SUPT16H: variants seen among roughly 807,000 people sequenced by gnomAD.
SUPT16H encodes SPT16 homolog, facilitates chromatin remodeling subunit.
SUPT16H carries 24 observed loss-of-function variants against 136.2 expected under a neutral mutation model. That is an observed-to-expected ratio of 0.18 (90% CI 0.13 to 0.25). SUPT16H has a LOEUF of 0.25. SUPT16H is among the 10% of genes least tolerant of loss of function. SUPT16H has a pLI of 1.00. For synonymous variants in SUPT16H, 415 were observed against 428.2 expected (o/e 0.97, Z 0.38); for missense variants, 623 against 1,270.2 (o/e 0.49, Z 7.74).
intron 8 of SUPT16H, among the ~76,000 whole-genome samples, chr14:21,365,843 C>G (rs1477199118): frequency 6.6e-6 from 1 of 152,162 alleles, no homozygotes; most frequent in African/African-American, 2.4e-5. Flanking sequence ...TGGCTCACAT[C>G]TGTAATCCCA....
chr14:21,352,723 T>A lies in SUPT16H; in HGVS notation c.3094A>T (p.Asn1032Tyr). The A allele has an allele frequency of 1.2e-6, 2 of 1,614,120 alleles. No individual in the cohort carries two copies. The highest frequency in any genetic ancestry group is 1.7e-6 in the Non-Finnish European group (2 of 1,180,014). The change falls in exon 26 of 26, where the codon AAC (asparagine) becomes TAC (tyrosine). Residue 1032 changes from asparagine (N) to tyrosine (Y), a missense_variant. Physicochemically the swap from Asn to Tyr is moderately radical, Grantham distance 143 (BLOSUM62 -2). This residue lies in a region of SUPT16H where 88 missense variants were observed against 135.5 expected (regional missense o/e 0.65). Transcript: ENST00000216297. ...ASVHSSGRGS[N>Y]RGSRHSSAPP... ...GCAGAGCTGTGTCTGGAACCACGGTTAGAGCCACGGCCCGAACTGTGCACA... is the reference window on the plus strand; with the variant it reads ...GCAGAGCTGTGTCTGGAACCACGGTAAGAGCCACGGCCCGAACTGTGCACA...
At chr14:21,354,795 T>G (rs1325533493) in intron 22 of SUPT16H, 4 of 293,604 alleles carry the variant, frequency 1.4e-5, no homozygotes, top group South Asian at 1.0e-4. Context: ...TTTTGCCATG[T>G]TGGTCAGGCT....
At chr14:21,373,708 A>C (rs1886837091) in intron 1 of SUPT16H, among the ~76,000 whole-genome samples, 1 of 152,160 alleles carries the variant, frequency 6.6e-6, no homozygotes, top group African/African-American at 2.4e-5. Context: ...TAATTCAAAG[A>C]AATATTTTAT....
chr14:21,359,440 T>C (rs754993246), intron 19 of SUPT16H, 44 bp downstream of exon 19: 2 of 1,600,746 alleles, frequency 1.2e-6, no homozygotes, highest in African/African-American at 1.3e-5. Flanking sequence ...TTTGGCCTCA[T>C]CCTCCCTCAC....
chr14:21,365,929 CCT>C (rs1044925311), intron 8 of SUPT16H, among the ~76,000 whole-genome samples: 7 of 152,072 alleles, frequency 4.6e-5, no homozygotes, highest in East Asian at 3.9e-4. Flanking sequence ...ATAGCGAGAC[CCT>C]GTTTCTACAA....
At chr14:21,362,351 A>G (rs1457067329) in intron 14 of SUPT16H, 27 bp from the exon 15 acceptor site, 2 of 1,596,770 alleles carry the variant, frequency 1.3e-6, no homozygotes, top group Non-Finnish European at 1.7e-6. Flanking sequence ...CATAAAAAGT[A>G]AACAGATTTC....
chr14:21,377,646 C>T (rs1886932989), intron 1 of SUPT16H, among the ~76,000 whole-genome samples: 1 of 148,552 alleles, frequency 6.7e-6, no homozygotes, highest in Non-Finnish European at 1.5e-5. Flanking sequence ...TTTTTTGAGA[C>T]ACAGTCTCAC....
intron 3 of SUPT16H, 145 bp from the exon 4 acceptor site, chr14:21,370,633 A>T: frequency 1.1e-6 from 1 of 887,718 alleles, no homozygotes; most frequent in Non-Finnish European, 1.7e-6. Flanking sequence ...TTTTAAAGAG[A>T]CAGGGTCTTG....
intron 1 of SUPT16H, among the ~76,000 whole-genome samples, chr14:21,382,216 T>C (rs1887041737): frequency 6.6e-6 from 1 of 152,244 alleles, no homozygotes; most frequent in African/African-American, 2.4e-5. Context: ...TTTTGTTAAC[T>C]GGTACATTTT....
chr14:21,366,785 A>C lies in SUPT16H; in HGVS notation c.956-256T>G, dbSNP rs1025493365. On this transcript the variant is annotated intron_variant, in intron 7 of 25. Transcript: ENST00000216297. Reference sequence around the variant, plus strand: ...CACCTCAGCCTCCCAAGTAACTGGGACTATAGGCACACACCACTATGCCCA... The same window carrying C: ...CACCTCAGCCTCCCAAGTAACTGGGCCTATAGGCACACACCACTATGCCCA... Among the ~76,000 whole-genome samples, 6 of 151,858 alleles carry C rather than the reference A, an allele frequency of 4.0e-5. No homozygotes were observed. In the South Asian group the frequency reaches 1.2e-3, roughly 31 times the overall value.
At chr14:21,370,216 A>G (rs1886756620) in intron 4 of SUPT16H, 120 bp downstream of exon 4, 1 of 1,319,110 alleles carries the variant, frequency 7.6e-7, no homozygotes, top group East Asian at 2.3e-5. Context: ...GCCAAAGGGG[A>G]TAAAATGTAA....
intron 23 of SUPT16H, 105 bp downstream of exon 23, chr14:21,354,306 T>TC: frequency 7.4e-7 from 1 of 1,358,076 alleles, no homozygotes; most frequent in South Asian, 1.8e-5. Flanking sequence ...TTAGAGCTTC[T>TC]CCCAGATGGC....
At chr14:21,364,565 A>T (rs889721270) in intron 10 of SUPT16H, among the ~76,000 whole-genome samples, 3 of 152,222 alleles carry the variant, frequency 2.0e-5, no homozygotes, top group African/African-American at 7.2e-5. Context: ...AGAAAAAAGA[A>T]TAACCGGTTT....
chr14:21,383,815 G>A, intron 1 of SUPT16H, 47 bp downstream of exon 1: 1 of 1,607,104 alleles, frequency 6.2e-7, no homozygotes, highest in Non-Finnish European at 8.5e-7. Context: ...GGTTATTATG[G>A]GATGGCTAAG....
intron 1 of SUPT16H, among the ~76,000 whole-genome samples, chr14:21,379,964 T>A (rs565055886): frequency 3.2e-4 from 48 of 152,262 alleles, no homozygotes; most frequent in African/African-American, 1.2e-3. Flanking sequence ...AAGAGCTGAG[T>A]GTGAGTGGAA....
chr14:21,364,746 G>T, intron 10 of SUPT16H, 81 bp downstream of exon 10: 1 of 1,234,556 alleles, frequency 8.1e-7, no homozygotes, highest in Non-Finnish European at 1.2e-6. Context: ...ATTTAACAAA[G>T]CAAGAAAAAA....
At chr14:21,382,915 G>C (rs1387536045) in intron 1 of SUPT16H, 1 of 152,068 alleles carries the variant, frequency 6.6e-6, no homozygotes, top group South Asian at 2.1e-4. Context: ...TTTAGTAGAT[G>C]ACCAGTTTGA....
intron 19 of SUPT16H, among the ~76,000 whole-genome samples, chr14:21,358,844 G>A (rs969844829): frequency 6.6e-6 from 1 of 152,178 alleles, no homozygotes. Flanking sequence ...AGTCTTGCTA[G>A]TCGCCCAGGC....
chr14:21,372,211 A>C (rs1305523540), intron 2 of SUPT16H, 167 bp from the exon 3 acceptor site: 7 of 664,950 alleles, frequency 1.1e-5, no homozygotes. Flanking sequence ...AGATCGGCCA[A>C]GAGTCGACAA....
Sources: allele counts gnomAD v4.1 joint callset (sites outside exome capture counted in the v4.1 genomes callset), GRCh38; gene constraint gnomAD v4.1.1; regional missense constraint gnomAD v4.1.1; transcripts MANE v1.5; gene names NCBI Gene and HGNC (gene_info 2026-07-23, HGNC 2026-07-21).